CST8: variants seen among roughly 807,000 people sequenced by gnomAD.
CST8 encodes the protein cystatin-8.
In CST8, 20 loss-of-function variants were observed where a neutral mutation model predicts 11.8. The ratio of observed to expected loss-of-function variants is 1.70; its 90% CI spans 1.20 to 2.47. The LOEUF is 2.47. Among genes scored for constraint, CST8 ranks in the 30% most tolerant of loss-of-function variants. CST8 has a pLI of 0.00. For synonymous variants in CST8, 77 were observed against 63.1 expected (o/e 1.22, Z -1.05); for missense variants, 196 against 167.2 (o/e 1.17, Z -0.95).
chr20:23,498,068 G>A (rs956295378), downstream of CST8, among the ~76,000 whole-genome samples: 2 of 151,834 alleles, frequency 1.3e-5, no homozygotes, highest in East Asian at 1.9e-4. Context: ...AGGGAAAGGG[G>A]ACTTGGAGAA....
At chr20:23,499,175 C>T (rs1278575863), downstream of CST8, among the ~76,000 whole-genome samples, 2 of 152,164 alleles carry the variant, frequency 1.3e-5, no homozygotes, top group Admixed American at 6.5e-5. Context: ...GATCTGCTTC[C>T]TGTACAGGCC....
At chr20:23,493,992 T>A (rs1987967866) in intron 3 of CST8, among the ~76,000 whole-genome samples, 1 of 152,218 alleles carries the variant, frequency 6.6e-6, no homozygotes, top group Non-Finnish European at 1.5e-5. Context: ...TGAGAACCAC[T>A]GCTTTATGCA....
downstream of CST8, among the ~76,000 whole-genome samples, chr20:23,498,480 C>G (rs1358841591): frequency 6.6e-6 from 1 of 152,194 alleles, no homozygotes; most frequent in African/African-American, 2.4e-5. Flanking sequence ...ACTCCAAGGC[C>G]TCAAACTACT....
chr20:23,497,200 A>G (rs1013851491), downstream of CST8, among the ~76,000 whole-genome samples: 5 of 152,366 alleles, frequency 3.3e-5, no homozygotes, highest in South Asian at 1.0e-3. Flanking sequence ...AGAAATTATA[A>G]CAGTATTAAT....
intron 3 of CST8, 69 bp downstream of exon 3, chr20:23,493,140 G>A (rs1380656323): frequency 5.4e-5 from 52 of 966,170 alleles, no homozygotes; most frequent in Middle Eastern, 2.1e-4. Flanking sequence ...GCTGAGGCAC[G>A]CAGACCTTCT....
chr20:23,505,767 G>C, the CST8 span, among the ~76,000 whole-genome samples: 1 of 152,126 alleles, frequency 6.6e-6, no homozygotes, highest in Non-Finnish European at 1.5e-5. Context: ...CTGGGAGCTT[G>C]CTAGCAATGC....
chr20:23,492,723 T>G (rs572287923), intron 2 of CST8, among the ~76,000 whole-genome samples: 2 of 152,166 alleles, frequency 1.3e-5, no homozygotes, highest in East Asian at 1.9e-4. Context: ...GGTGACAAAC[T>G]GGAGAGGAGT....
intron 3 of CST8, among the ~76,000 whole-genome samples, chr20:23,494,939 A>AT (rs1174238419): frequency 2.0e-5 from 3 of 151,888 alleles, no homozygotes; most frequent in African/African-American, 7.3e-5. Flanking sequence ...CCGATATGGT[A>AT]TTTTTTTCTG....
chr20:23,491,636 G>T lies in CST8; in HGVS notation c.-32G>T. The T allele has an allele frequency of 6.5e-7, 1 of 1,547,350 alleles. No homozygotes were observed. The highest frequency in any genetic ancestry group is 8.9e-7 in the Non-Finnish European group (1 of 1,120,166). On this transcript the variant is annotated 5_prime_UTR_variant, in exon 2 of 4. Coordinates refer to ENST00000246012, the MANE Select transcript of CST8 (RefSeq NM_005492.4). ...GCTCCAGCCCTGAGACGACGAGGAG[G>T]AGAGTCGACTTTGCCTCTTGCCCAA...
chr20:23,504,231 A>G, the CST8 span, among the ~76,000 whole-genome samples: 7 of 152,206 alleles, frequency 4.6e-5, no homozygotes, highest in African/African-American at 1.4e-4. Flanking sequence ...GATGCCAAGT[A>G]GCTACAGGGT....
At chr20:23,497,243 A>C (rs1254637741), downstream of CST8, among the ~76,000 whole-genome samples, 2 of 152,250 alleles carry the variant, frequency 1.3e-5, no homozygotes, top group Non-Finnish European at 2.9e-5. Context: ...TGAAATCTTC[A>C]CAATTTATGT....
chr20:23,498,040 G>A (rs1473424023), downstream of CST8, among the ~76,000 whole-genome samples: 1 of 151,926 alleles, frequency 6.6e-6, no homozygotes, highest in Non-Finnish European at 1.5e-5. Flanking sequence ...TGTAGAGAGA[G>A]AGAGGGAAGA....
the CST8 span, among the ~76,000 whole-genome samples, chr20:23,501,707 G>A: frequency 6.6e-6 from 1 of 152,352 alleles, no homozygotes; most frequent in Non-Finnish European, 1.5e-5. Context: ...AAGAGAGCAA[G>A]TGCTCAGACG....
At chr20:23,500,065 G>T (rs923795679), downstream of CST8, among the ~76,000 whole-genome samples, 8 of 151,892 alleles carry the variant, frequency 5.3e-5, no homozygotes, top group South Asian at 2.1e-4. Flanking sequence ...GAGACACAGA[G>T]AGGAGAGGCG....
At chr20:23,491,994 CA>C (rs1420619691) in intron 2 of CST8, 96 bp downstream of exon 2, 1 of 931,904 alleles carries the variant, frequency 1.1e-6, no homozygotes, top group Non-Finnish European at 1.7e-6. Flanking sequence ...TATCACTATG[CA>C]AAAATCCTAA....
chr20:23,501,466 C>T, the CST8 span, among the ~76,000 whole-genome samples: 368 of 152,354 alleles, frequency 2.4e-3, 1 homozygote, highest in African/African-American at 8.3e-3. Flanking sequence ...GTCGGGTCCC[C>T]GCAGGGAGAC....
chr20:23,502,470 G>C, the CST8 span, among the ~76,000 whole-genome samples: 1 of 152,128 alleles, frequency 6.6e-6, no homozygotes, highest in Non-Finnish European at 1.5e-5. Flanking sequence ...GACAAAAGAA[G>C]ATAGAGTGCC....
At chr20:23,504,327 A>G in the CST8 span, among the ~76,000 whole-genome samples, 3 of 152,156 alleles carry the variant, frequency 2.0e-5, no homozygotes, top group African/African-American at 4.8e-5. Flanking sequence ...CTGTGAACCA[A>G]TGAGAACTCC....
chr20:23,491,976 A>G (rs1269593898), intron 2 of CST8, 78 bp downstream of exon 2: 3 of 1,148,012 alleles, frequency 2.6e-6, no homozygotes, highest in Non-Finnish European at 3.9e-6. Flanking sequence ...GTGGGCATAT[A>G]AGAAAAATAT....
Sources: allele counts gnomAD v4.1 joint callset (sites outside exome capture counted in the v4.1 genomes callset), GRCh38; gene constraint gnomAD v4.1.1; transcripts MANE v1.5; gene names NCBI Gene and HGNC (gene_info 2026-07-23, HGNC 2026-07-21).